UPP2: variants seen among roughly 807,000 people sequenced by gnomAD.
UPP2 encodes the protein uridine phosphorylase 2.
UPP2 carries 23 observed loss-of-function variants against 26.7 expected under a neutral mutation model. The ratio of observed to expected loss-of-function variants is 0.86; its 90% confidence interval spans 0.62 to 1.22. The LOEUF is 1.22. UPP2 is among the 50% of genes most tolerant of loss of function. The pLI, the probability that UPP2 is intolerant of heterozygous loss-of-function variation, is 0.00. For synonymous variants in UPP2, 127 were observed against 141.3 expected, an observed-to-expected ratio of 0.90 and a Z score of 0.72; for missense variants, 387 against 396.7, an observed-to-expected ratio of 0.98 and a Z score of 0.21.
chr2:158,023,056 A>G (rs568846378), intron 3 of UPP2, among the ~76,000 whole-genome samples: 21 of 149,572 alleles, frequency 1.4e-4, no homozygotes, highest in Admixed American at 1.3e-3. Flanking sequence ...CAGGTATCTC[A>G]GCACCCAACA....
At chr2:158,025,552 C>T (rs999507625) in intron 3 of UPP2, among the ~76,000 whole-genome samples, 2 of 151,898 alleles carry the variant, frequency 1.3e-5, no homozygotes, top group Non-Finnish European at 2.9e-5. Context: ...TCCGGGAGGC[C>T]GAGCCACTGG....
intron 3 of UPP2, among the ~76,000 whole-genome samples, chr2:158,036,466 C>T (rs1684001707): frequency 6.6e-6 from 1 of 152,168 alleles, no homozygotes; most frequent in African/African-American, 2.4e-5. Flanking sequence ...CATCAGCATT[C>T]ATCACCAGGC....
chr2:158,086,328 G>T lies in UPP2; in HGVS notation c.148-15712G>T, dbSNP rs559307845. On this transcript the variant is annotated intron_variant, in intron 3 of 9. Transcript: ENST00000605860. Reference sequence around the variant, plus strand: ...TAATCTTTTGTATTTCTGTGGTATTGGTTGTAGTATCTCCCATTTTGTTTC... The same window carrying T: ...TAATCTTTTGTATTTCTGTGGTATTTGTTGTAGTATCTCCCATTTTGTTTC... Among the ~76,000 whole-genome samples the T allele has an allele frequency of 9.9e-5, 15 of 152,048 alleles. No individual in the cohort carries two copies. In the South Asian group the frequency reaches 2.3e-3, roughly 23 times the overall value.
At chr2:158,112,816 T>C (rs936821536) in intron 2 of UPP2, among the ~76,000 whole-genome samples, 10 of 152,224 alleles carry the variant, frequency 6.6e-5, no homozygotes, top group Non-Finnish European at 1.5e-4. Flanking sequence ...CCTTTTAAGA[T>C]GCTAGGGATA....
intron 3 of UPP2, among the ~76,000 whole-genome samples, chr2:158,088,693 C>T (rs1024590502): frequency 4.6e-5 from 7 of 152,212 alleles, no homozygotes; most frequent in Non-Finnish European, 1.0e-4. Flanking sequence ...GTGTTGCTCT[C>T]CCCCTTCCTC....
intron 3 of UPP2, among the ~76,000 whole-genome samples, chr2:158,016,926 A>G (rs1683668687): frequency 6.6e-6 from 1 of 152,198 alleles, no homozygotes. Context: ...TGCTCATTAC[A>G]GGGCCATCTA....
At chr2:158,029,791 G>A (rs910753645) in intron 3 of UPP2, among the ~76,000 whole-genome samples, 10 of 144,028 alleles carry the variant, frequency 6.9e-5, no homozygotes, top group Non-Finnish European at 1.1e-4. Context: ...AGGTCATCTC[G>A]TTTCTTTTTT....
At chr2:158,029,052 C>A (rs73001493) in intron 3 of UPP2, among the ~76,000 whole-genome samples, 13,263 of 152,238 alleles carry the variant, frequency 0.087, 683 homozygotes, top group East Asian at 0.17. Flanking sequence ...TCACTCGCCC[C>A]TCATTCCACA....
intron 6 of UPP2, among the ~76,000 whole-genome samples, chr2:158,127,259 C>T (rs10176676): frequency 0.032 from 4,874 of 152,296 alleles, 281 homozygotes; most frequent in African/African-American, 0.11. Flanking sequence ...ATCACATTTA[C>T]CACTACTGAC....
intron 6 of UPP2, among the ~76,000 whole-genome samples, chr2:158,133,082 A>G (rs1683858002): frequency 6.6e-6 from 1 of 152,216 alleles, no homozygotes; most frequent in Non-Finnish European, 1.5e-5. Context: ...AGTTTGTTGC[A>G]GCATTATTCA....
intron 3 of UPP2, among the ~76,000 whole-genome samples, chr2:158,045,994 T>A (rs1422993103): frequency 6.6e-6 from 1 of 152,102 alleles, no homozygotes; most frequent in Non-Finnish European, 1.5e-5. Context: ...GCCCACAAGA[T>A]CATATAAGCT....
intron 3 of UPP2, among the ~76,000 whole-genome samples, chr2:158,016,346 AT>A (rs558751711): frequency 2.4e-4 from 35 of 147,010 alleles, no homozygotes; most frequent in Admixed American, 4.8e-4. Context: ...GAATTAGATG[AT>A]TTTTTTTTTT....
chr2:158,090,503 A>T (rs1297529939), intron 3 of UPP2, among the ~76,000 whole-genome samples: 1 of 150,662 alleles, frequency 6.6e-6, no homozygotes, highest in Non-Finnish European at 1.5e-5. Flanking sequence ...TCCGTCTCAA[A>T]AAAACCCAAA....
At chr2:158,029,455 C>A (rs1431984193) in intron 3 of UPP2, among the ~76,000 whole-genome samples, 2 of 152,190 alleles carry the variant, frequency 1.3e-5, no homozygotes, top group East Asian at 1.9e-4. Flanking sequence ...GGCTGCCATG[C>A]AGATATTAGC....
upstream of UPP2, among the ~76,000 whole-genome samples, chr2:158,097,464 T>C (rs548420134): frequency 3.4e-4 from 51 of 152,206 alleles, 1 homozygote; most frequent in East Asian, 6.9e-3. Flanking sequence ...TCAGGCAAAT[T>C]TCAACTTTAT....
chr2:158,024,617 A>T (rs7577178), intron 3 of UPP2, among the ~76,000 whole-genome samples: 278 of 152,340 alleles, frequency 1.8e-3, no homozygotes, highest in African/African-American at 6.2e-3. Flanking sequence ...GGATGCAAGA[A>T]GAAATGGCTT....
At chr2:158,065,275 AC>A in intron 3 of UPP2, among the ~76,000 whole-genome samples, 1 of 152,108 alleles carries the variant, frequency 6.6e-6, no homozygotes, top group Non-Finnish European at 1.5e-5. Flanking sequence ...TTGAATTGAA[AC>A]CCATAGGGCA....
chr2:158,130,593 G>A (rs748874471), intron 6 of UPP2, among the ~76,000 whole-genome samples: 6 of 152,222 alleles, frequency 3.9e-5, no homozygotes, highest in Middle Eastern at 3.4e-3. Flanking sequence ...GGGCAGTGTC[G>A]TTGATAGCAC....
chr2:158,066,381 G>A (rs189164619), intron 3 of UPP2, among the ~76,000 whole-genome samples: 1 of 152,312 alleles, frequency 6.6e-6, no homozygotes, highest in Admixed American at 6.5e-5. Context: ...CTATTTGCTT[G>A]CCAGAATCTT....
Sources: gnomAD v4.1 joint callset for allele counts (sites outside exome capture counted in the v4.1 genomes callset) on GRCh38, gnomAD v4.1.1 for gene constraint, MANE v1.5 for transcripts, NCBI Gene and HGNC (gene_info 2026-07-23, HGNC 2026-07-21) for gene names.